Variants in NBN observed in about 807,000 individuals in gnomAD.
The protein encoded by NBN is Nijmegen breakage syndrome 1 (nibrin).
Under a neutral mutation model 90.8 loss-of-function variants are expected in NBN, and 88 were observed. The observed-to-expected ratio is 0.97, with a 90% CI of 0.82 to 1.16. The LOEUF (loss-of-function observed/expected upper bound fraction) is 1.16, where lower values mean the gene tolerates loss of function less well. Among genes scored for constraint, NBN ranks in the 50% most tolerant of loss-of-function variants. NBN has a pLI of 0.00. For missense variants in NBN, 894 were observed against 869.6 expected (o/e 1.03, Z -0.35); for synonymous variants, 328 against 295.1 (o/e 1.11, Z -1.14).
intron 5 of NBN, among the ~76,000 whole-genome samples, chr8:89,976,344 C>T (rs1457766012): frequency 3.9e-5 from 6 of 152,142 alleles, no homozygotes; most frequent in Admixed American, 1.3e-4. Flanking sequence ...CCTTGGAAGG[C>T]CAAAAGGTTT....
Position 89,984,556 on chromosome 8 carries a change from C to T in NBN, c.6G>A (p.Trp2Ter), listed in dbSNP as rs876661130. Residue 2 changes from tryptophan (W) to a stop codon, truncating the protein, a stop_gained, in exon 1 of 16, where the codon TGG (tryptophan) becomes TGA (stop). Coordinates refer to ENST00000265433, the MANE Select transcript of NBN (RefSeq NM_002485.5). LOFTEE classifies it high-confidence loss of function. ...CCGGGCCCGCGGCGGGCAGCAGTTTCCACATCGGTCCGGCTCCTCAGGGCT... is the reference window on the plus strand; with the variant it reads ...CCGGGCCCGCGGCGGGCAGCAGTTTTCACATCGGTCCGGCTCCTCAGGGCT... M[W>*]KLLPAAGPAG... is the part of the protein sequence containing the mutation. The T allele has an allele frequency of 1.2e-6, 2 of 1,613,172 alleles. No individual in the cohort carries two copies. Among genetic ancestry groups the T allele is most frequent in the South Asian group, 1.1e-5 (1 of 91,064 alleles).
At chr8:89,976,406 C>T (rs757350672) in intron 5 of NBN, among the ~76,000 whole-genome samples, 4 of 152,184 alleles carry the variant, frequency 2.6e-5, no homozygotes, top group East Asian at 1.9e-4. Flanking sequence ...TTCTTTTATA[C>T]GGTGCCTGAA....
At chr8:89,948,073 A>G (rs1186578627) in intron 11 of NBN, among the ~76,000 whole-genome samples, 181 bp from the exon 12 acceptor site, 4 of 152,212 alleles carry the variant, frequency 2.6e-5, no homozygotes, top group African/African-American at 7.2e-5. Flanking sequence ...AGAAATTATG[A>G]GATGAAAATA....
At chr8:89,956,766 A>C (rs1483745072) in intron 9 of NBN, among the ~76,000 whole-genome samples, 4 of 152,210 alleles carry the variant, frequency 2.6e-5, no homozygotes, top group African/African-American at 9.6e-5. Flanking sequence ...TTTTATAAAC[A>C]CAGTTATTAG....
chr8:89,961,696 G>T (rs1466904290), intron 8 of NBN, among the ~76,000 whole-genome samples: 1 of 152,162 alleles, frequency 6.6e-6, no homozygotes. Flanking sequence ...GGAGGAGGAA[G>T]GCTGCAGCTA....
At chr8:89,964,289 G>A (rs1811135040) in intron 8 of NBN, 121 bp downstream of exon 8, 1 of 1,120,474 alleles carries the variant, frequency 8.9e-7, no homozygotes, top group Admixed American at 1.9e-5. Context: ...AGTATAAATG[G>A]ATGAATTTTA....
chr8:89,951,919 A>G (rs1379232065), intron 11 of NBN, among the ~76,000 whole-genome samples: 1 of 152,230 alleles, frequency 6.6e-6, no homozygotes, highest in Non-Finnish European at 1.5e-5. Context: ...TTGAGGATAG[A>G]GAGTGGCTAA....
In NBN at chr8:89,953,675, T is replaced by G; in HGVS notation, c.1414A>C (p.Asn472His). The G allele has an allele frequency of 6.2e-7, 1 of 1,611,176 alleles. No homozygotes were observed. ...GATTTGCATGAAGACATTTCTTGAT[T>G]TTCTTCATCCCTTTCCCTTAGATTT... ...STKKRERDEE[N>H]QEMSSCKSAR... Residue 472 changes from asparagine (N) to histidine (H), a missense_variant, in exon 11 of 16, where the codon AAT becomes CAT. Asn to His is a moderately conservative substitution (Grantham distance 68). Transcript: ENST00000265433.
chr8:89,978,552 A>G (rs1333929806), intron 4 of NBN, among the ~76,000 whole-genome samples: 1 of 152,238 alleles, frequency 6.6e-6, no homozygotes, highest in East Asian at 1.9e-4. Flanking sequence ...AATTATAAGA[A>G]GTCACCGATT....
intron 7 of NBN, 80 bp downstream of exon 7, chr8:89,970,284 G>T: frequency 8.2e-7 from 1 of 1,225,778 alleles, no homozygotes; most frequent in Non-Finnish European, 1.2e-6. Context: ...CTTTTACATT[G>T]TTAGGTGAAA....
intron 8 of NBN, 109 bp from the exon 9 acceptor site, chr8:89,958,963 A>C: frequency 7.2e-7 from 1 of 1,388,302 alleles, no homozygotes; most frequent in Non-Finnish European, 1.0e-6. Flanking sequence ...TTAACTAGGG[A>C]ATACTGCACA....
intron 1 of NBN, among the ~76,000 whole-genome samples, chr8:89,983,712 T>C (rs1812183474): frequency 6.6e-6 from 1 of 152,170 alleles, no homozygotes; most frequent in Non-Finnish European, 1.5e-5. Context: ...ATTGGAGACA[T>C]GCGGAGTTGA....
chr8:89,969,307 C>T (rs1362461614), intron 7 of NBN, among the ~76,000 whole-genome samples: 1 of 152,208 alleles, frequency 6.6e-6, no homozygotes, highest in African/African-American at 2.4e-5. Flanking sequence ...AACATCATTT[C>T]AACCTATCTG....
At chr8:89,964,589 TC>T in intron 7 of NBN, 82 bp from the exon 8 acceptor site, 2 of 1,358,028 alleles carry the variant, frequency 1.5e-6, no homozygotes, top group Non-Finnish European at 2.0e-6. Context: ...TAAAGCAACC[TC>T]TTTTTTTTCC....
intron 1 of NBN, among the ~76,000 whole-genome samples, chr8:89,983,779 T>C (rs1339179782): frequency 1.3e-5 from 2 of 151,832 alleles, no homozygotes; most frequent in East Asian, 1.9e-4. Flanking sequence ...AGATAAAGAG[T>C]AGGGAGTCCA....
intron 4 of NBN, among the ~76,000 whole-genome samples, chr8:89,979,912 A>G (rs780789229): frequency 1.3e-5 from 2 of 152,226 alleles, no homozygotes; most frequent in South Asian, 2.1e-4. Flanking sequence ...TTCTTAAGTA[A>G]TATCTTAAAG....
intron 9 of NBN, among the ~76,000 whole-genome samples, chr8:89,956,834 T>C (rs1810736735): frequency 6.6e-6 from 1 of 152,210 alleles, no homozygotes; most frequent in South Asian, 2.1e-4. Context: ...CTGTCAACAA[T>C]GGACTGCAAC....
intron 7 of NBN, among the ~76,000 whole-genome samples, chr8:89,969,144 T>C (rs1811385454): frequency 6.6e-6 from 1 of 152,216 alleles, no homozygotes; most frequent in African/African-American, 2.4e-5. Context: ...TCACCTACTT[T>C]TTGCCACATG....
chr8:89,975,102 T>C (rs1811690965), intron 5 of NBN, among the ~76,000 whole-genome samples: 1 of 152,242 alleles, frequency 6.6e-6, no homozygotes. Context: ...CTTCTAAAAA[T>C]GACTTCATCT....
Sources: gnomAD v4.1 joint callset for allele counts (sites outside exome capture counted in the v4.1 genomes callset) on GRCh38, gnomAD v4.1.1 for gene constraint, MANE v1.5 for transcripts, NCBI Gene and HGNC (gene_info 2026-07-23, HGNC 2026-07-21) for gene names.